GSE1: variants seen among roughly 807,000 people sequenced by gnomAD.
The protein encoded by GSE1 is genetic suppressor element 1.
GSE1 carries 32 observed loss-of-function variants against 112.6 expected under a neutral mutation model. That is an observed-to-expected ratio of 0.28 (90% CI 0.21 to 0.38). GSE1 has a LOEUF of 0.38. Among genes scored for constraint, GSE1 ranks in the 10% least tolerant of loss-of-function variants. The pLI is 1.00. For synonymous variants in GSE1, 1,115 were observed against 735.6 expected, an observed-to-expected ratio of 1.52 and a Z score of -8.35; for missense variants, 2,348 against 1,699.2, an observed-to-expected ratio of 1.38 and a Z score of -6.71.
chr16:85,522,759 G>C (rs2052231131), intron 2 of GSE1, among the ~76,000 whole-genome samples: 1 of 152,164 alleles, frequency 6.6e-6, no homozygotes, highest in African/African-American at 2.4e-5. Context: ...TGTGTGTTGT[G>C]CTGTGTGGTG....
chr16:85,494,586 TAG>T (rs1246986414), intron 2 of GSE1, among the ~76,000 whole-genome samples: 3 of 152,068 alleles, frequency 2.0e-5, no homozygotes, highest in Non-Finnish European at 4.4e-5. Flanking sequence ...TGTATTTTTG[TAG>T]AGAGAGGGTT....
chr16:85,200,427 G>A (rs956967839), intron 1 of GSE1, among the ~76,000 whole-genome samples: 3 of 151,340 alleles, frequency 2.0e-5, no homozygotes, highest in African/African-American at 7.3e-5. Flanking sequence ...GAAGAAAGAA[G>A]GAAGCTTTGC....
intron 8 of GSE1, among the ~76,000 whole-genome samples, chr16:85,658,391 T>G (rs1034977298): frequency 7.9e-5 from 12 of 152,214 alleles, no homozygotes; most frequent in African/African-American, 2.9e-4. Flanking sequence ...AGCCTCACTT[T>G]CCTCAACTGT....
At chr16:85,514,356 C>T (rs1167447043) in intron 2 of GSE1, among the ~76,000 whole-genome samples, 5 of 146,920 alleles carry the variant, frequency 3.4e-5, no homozygotes, top group Admixed American at 6.9e-5. Flanking sequence ...TTTCCTCCTT[C>T]GTGGGACACC....
chr16:85,615,825 G>A (rs1326516971), intron 1 of GSE1, among the ~76,000 whole-genome samples: 2 of 152,230 alleles, frequency 1.3e-5, no homozygotes, highest in Non-Finnish European at 2.9e-5. Flanking sequence ...ACAGCCTCTG[G>A]GTTCCTGACC....
In GSE1 at chr16:85,331,509, GTA is replaced by G. The variant is rs1491083570; in HGVS notation, c.2284-25948_2284-25947del. Among the ~76,000 whole-genome samples the G allele has an allele frequency of 3.5e-5, 4 of 115,174 alleles. 1 individual carries two copies. The highest frequency in any genetic ancestry group is 6.5e-5 in the African/African-American group (2 of 30,668). The allele number at this position is 115,174 out of a possible 152,430, so 75.6% of individuals were successfully genotyped here. A position where few individuals can be genotyped will look rare whatever the true frequency, so the allele number is the denominator to read the frequency against. On this transcript the variant is annotated intron_variant, in intron 1 of 2. Transcript: ENST00000637419. ...TATATATGTGTATATGTGTATATAT[GTA>G]TATATGTGTATATATGTGTATATGT...
chr16:85,251,814 T>G (rs144444580), intron 1 of GSE1, among the ~76,000 whole-genome samples: 62 of 152,358 alleles, frequency 4.1e-4, no homozygotes, highest in African/African-American at 1.4e-3. Flanking sequence ...ACCCGGCTCC[T>G]GTCTGCATTA....
intron 1 of GSE1, among the ~76,000 whole-genome samples, chr16:85,338,790 C>G (rs1377582267): frequency 6.6e-6 from 1 of 152,182 alleles, no homozygotes; most frequent in Non-Finnish European, 1.5e-5. Flanking sequence ...TTAATCACTT[C>G]CCCGTGGCCA....
chr16:85,218,699 C>T (rs2075342933), intron 1 of GSE1, among the ~76,000 whole-genome samples: 1 of 152,240 alleles, frequency 6.6e-6, no homozygotes. Context: ...GCGCCTGGCT[C>T]ACCCATGACC....
chr16:85,663,193 G>C, intron 10 of GSE1, 100 bp downstream of exon 10: 1 of 1,253,128 alleles, frequency 8.0e-7, no homozygotes, highest in East Asian at 2.3e-5. Flanking sequence ...TTCCTCCGAA[G>C]TCCTGGCGGG....
intron 1 of GSE1, among the ~76,000 whole-genome samples, chr16:85,245,744 C>T (rs752949453): frequency 4.6e-5 from 7 of 152,214 alleles, no homozygotes; most frequent in Middle Eastern, 3.4e-3. Flanking sequence ...TAGAGGGGGA[C>T]GGCAAGACTG....
intron 2 of GSE1, among the ~76,000 whole-genome samples, chr16:85,467,671 T>C (rs1490931303): frequency 2.0e-5 from 3 of 152,166 alleles, no homozygotes; most frequent in African/African-American, 7.2e-5. Context: ...GTGTGGCCTT[T>C]CCTGACCTAG....
At chr16:85,572,491 A>G (rs1250501729) in intron 1 of GSE1, among the ~76,000 whole-genome samples, 1 of 147,820 alleles carries the variant, frequency 6.8e-6, no homozygotes, top group East Asian at 2.1e-4. Context: ...CCACATGCAC[A>G]CAACCACATA....
At chr16:85,177,492 T>C (rs1467429859) in intron 1 of GSE1, among the ~76,000 whole-genome samples, 4 of 152,176 alleles carry the variant, frequency 2.6e-5, no homozygotes, top group Non-Finnish European at 5.9e-5. Flanking sequence ...GGGTCAGTTG[T>C]GGAAGGAGCC....
chr16:85,671,113 G>C lies in GSE1; in HGVS notation c.3519+15G>C. ...ACAGCGTGGCGGTGAGTTGGGAAGG[G>C]ATGGAAACCTTCAAACACGCAACCT... is the stretch of plus-strand genomic sequence containing the variant. On this transcript the variant is annotated intron_variant, in intron 15 of 15. Coordinates refer to ENST00000253458, the MANE Select transcript of GSE1 (RefSeq NM_014615.5). The C allele has an allele frequency of 1.4e-6, 2 of 1,451,742 alleles. No homozygotes were observed. The highest frequency in any genetic ancestry group is 1.9e-6 in the Non-Finnish European group (2 of 1,034,292). 89.9% of individuals were successfully genotyped at this position (1,451,742 alleles called of 1,614,324 possible). A position where few individuals can be genotyped will look rare whatever the true frequency, so the allele number is the denominator to read the frequency against.
In GSE1 at chr16:85,477,799, A is replaced by G. The variant is rs367610116; in HGVS notation, c.2464+120156A>G. Among the ~76,000 whole-genome samples, 3 of 151,686 alleles carry G rather than the reference A, an allele frequency of 2.0e-5. No homozygotes were observed. The East Asian group carries it at 5.9e-4, about 30-fold the overall frequency. ...CTGGTCTCGAACTCCTGACCTTGTG[A>G]TCCGCCCGCCTCGGCCTCCCAAAGT... On this transcript the variant is annotated intron_variant, in intron 2 of 2. Coordinates refer to the GSE1 transcript ENST00000637419.
At chr16:85,437,379 T>C (rs1399159801) in intron 2 of GSE1, among the ~76,000 whole-genome samples, 1 of 152,178 alleles carries the variant, frequency 6.6e-6, no homozygotes, top group Non-Finnish European at 1.5e-5. Context: ...CTTCTCATTT[T>C]TATTTCTAGA....
chr16:85,211,817 T>C (rs1019569473), intron 1 of GSE1, among the ~76,000 whole-genome samples: 8 of 152,232 alleles, frequency 5.3e-5, no homozygotes, highest in African/African-American at 1.9e-4. Flanking sequence ...ACCCGGGCTC[T>C]TCCCCAGACT....
At chr16:85,446,765 C>T (rs1597784358) in intron 2 of GSE1, among the ~76,000 whole-genome samples, 1 of 152,134 alleles carries the variant, frequency 6.6e-6, no homozygotes, top group African/African-American at 2.4e-5. Context: ...GCGTCCTGTT[C>T]CGCTTGGCTT....
Sources: allele counts gnomAD v4.1 joint callset (sites outside exome capture counted in the v4.1 genomes callset), GRCh38; gene constraint gnomAD v4.1.1; transcripts MANE v1.5; gene names NCBI Gene and HGNC (gene_info 2026-07-23, HGNC 2026-07-21).